The following FOXN2 variants were observed in gnomAD, a reference collection of about 807,000 sequenced individuals.
FOXN2 encodes the protein forkhead box N2.
Under a neutral mutation model 41.2 loss-of-function variants are expected in FOXN2, and 19 were observed. The ratio of observed to expected loss-of-function variants is 0.46; its 90% CI spans 0.32 to 0.68. FOXN2 has a LOEUF of 0.68. Among genes scored for constraint, FOXN2 ranks in the 30% least tolerant of loss-of-function variants. The pLI is 0.03. For synonymous variants in FOXN2, 195 were observed against 176.8 expected (o/e 1.10, Z -0.82); for missense variants, 587 against 509.4 (o/e 1.15, Z -1.47).
At chr2:48,348,972 C>T (rs1009827371) in intron 3 of FOXN2, among the ~76,000 whole-genome samples, 9 of 152,174 alleles carry the variant, frequency 5.9e-5, no homozygotes, top group Non-Finnish European at 1.3e-4. Flanking sequence ...TCTTCTCCAG[C>T]ATTAGTCTTA....
At chr2:48,320,255 T>G (rs1028222013) in intron 1 of FOXN2, among the ~76,000 whole-genome samples, 2 of 152,136 alleles carry the variant, frequency 1.3e-5, no homozygotes, top group Admixed American at 1.3e-4. Context: ...TTACTATGTA[T>G]TGGCATAGTT....
intron 2 of FOXN2, among the ~76,000 whole-genome samples, chr2:48,339,121 A>G (rs1225783492): frequency 2.0e-5 from 3 of 152,182 alleles, no homozygotes; most frequent in South Asian, 2.1e-4. Flanking sequence ...TTCATATTCT[A>G]TATATCCATA....
intron 5 of FOXN2, among the ~76,000 whole-genome samples, chr2:48,367,967 C>T (rs1173466306): frequency 3.3e-5 from 5 of 152,210 alleles, no homozygotes; most frequent in South Asian, 2.1e-4. Context: ...CTCAGCCTCC[C>T]AAGTAGCTGG....
chr2:48,352,863 G>C (rs1361858114), intron 3 of FOXN2, among the ~76,000 whole-genome samples: 1 of 152,114 alleles, frequency 6.6e-6, no homozygotes, highest in Non-Finnish European at 1.5e-5. Flanking sequence ...AAAGCCAGGG[G>C]TTAGATTCAA....
At position 48,379,087 on chromosome 2, in the gene FOXN2, G is replaced by C. The variant is rs1052654368; in HGVS notation, c.*3644G>C. The C allele has an allele frequency of 6.6e-6, 1 of 152,388 alleles. No homozygotes were observed. The highest frequency in any genetic ancestry group is 2.4e-5 in the African/African-American group (1 of 41,358). The allele number at this position is 152,388 out of a possible 1,614,324, so 9.4% of individuals were successfully genotyped here. A position where few individuals can be genotyped will look rare whatever the true frequency, so the allele number is the denominator to read the frequency against. ...TCTGATGTAGCATAAAAATTGTCCCGGTTTGAGTTATAACTGCCAGTAGAT... is the reference window on the plus strand; with the variant it reads ...TCTGATGTAGCATAAAAATTGTCCCCGTTTGAGTTATAACTGCCAGTAGAT... On this transcript the variant is annotated 3_prime_UTR_variant, in exon 7 of 7. Transcript: ENST00000340553.
chr2:48,362,558 G>A (rs1331928786), intron 4 of FOXN2, 85 bp from the exon 5 acceptor site: 19 of 1,192,072 alleles, frequency 1.6e-5, no homozygotes, highest in Non-Finnish European at 2.2e-5. Flanking sequence ...GGCCAGCAGA[G>A]TGAGAGAGAA....
At chr2:48,358,489 A>T (rs1401082753) in intron 3 of FOXN2, among the ~76,000 whole-genome samples, 7 of 152,174 alleles carry the variant, frequency 4.6e-5, no homozygotes, top group East Asian at 1.9e-4. Context: ...TGGTTTTTGA[A>T]CCTATAGAAC....
rs1214998341 is a variant in FOXN2, at chr2:48,378,539, A to C, written c.*3096A>C. 1.3e-5 allele frequency: 2 copies of C among 152,314 alleles called. No homozygotes were observed. The highest frequency in any genetic ancestry group is 3.8e-4 in the East Asian group (2 of 5,204). The allele number at this position is 152,314 out of a possible 1,614,324, so 9.4% of individuals were successfully genotyped here. ...ACCAGGAGGCCTTTGCCAGCAATTT[A>C]AGCAACAGATGTGAATACTTCACAA... On this transcript the variant is annotated 3_prime_UTR_variant, in exon 7 of 7. Coordinates refer to ENST00000340553, the MANE Select transcript of FOXN2 (RefSeq NM_002158.4).
intron 1 of FOXN2, among the ~76,000 whole-genome samples, 193 bp downstream of exon 1, chr2:48,315,007 C>G (rs2103996558): frequency 6.6e-6 from 1 of 152,026 alleles, no homozygotes; most frequent in East Asian, 2.0e-4. Context: ...CCCCGGCGCG[C>G]GTATCGGGTG....
At chr2:48,333,408 A>G (rs1670136962) in intron 2 of FOXN2, among the ~76,000 whole-genome samples, 1 of 152,150 alleles carries the variant, frequency 6.6e-6, no homozygotes, top group South Asian at 2.1e-4. Flanking sequence ...AAATTCCTAT[A>G]TACATTTAGG....
chr2:48,359,315 A>G (rs1467414300), intron 4 of FOXN2, among the ~76,000 whole-genome samples, 168 bp downstream of exon 4: 1 of 152,082 alleles, frequency 6.6e-6, no homozygotes, highest in East Asian at 1.9e-4. Context: ...TGTTTTGTGG[A>G]CACAGTCTTA....
intron 1 of FOXN2, among the ~76,000 whole-genome samples, chr2:48,319,846 C>T (rs917361783): frequency 4.5e-5 from 6 of 132,736 alleles, no homozygotes; most frequent in Non-Finnish European, 6.2e-5. Context: ...TGCCCAGGCT[C>T]GTCTCAAACT....
chr2:48,321,423 C>G (rs1669309947), intron 1 of FOXN2, among the ~76,000 whole-genome samples: 1 of 152,126 alleles, frequency 6.6e-6, no homozygotes, highest in Admixed American at 6.5e-5. Context: ...GTAGTCCCAG[C>G]TACTCGGGAG....
intron 5 of FOXN2, among the ~76,000 whole-genome samples, chr2:48,369,152 G>A (rs950852622): frequency 6.6e-6 from 1 of 152,148 alleles, no homozygotes; most frequent in Non-Finnish European, 1.5e-5. Flanking sequence ...TATTCATGTA[G>A]CTTTCTTATG....
chr2:48,342,838 T>C (rs1450218541), intron 2 of FOXN2, among the ~76,000 whole-genome samples: 3 of 152,204 alleles, frequency 2.0e-5, no homozygotes, highest in Admixed American at 1.3e-4. Flanking sequence ...CAGCACTTGG[T>C]TTTTAATAAT....
At position 48,355,046 on chromosome 2, in the gene FOXN2, T is replaced by C. The variant is rs563770081; in HGVS notation, c.538-4001T>C. Among the ~76,000 whole-genome samples the C allele has an allele frequency of 3.2e-4, 48 of 152,274 alleles. 1 individual carries two copies. The highest frequency in any genetic ancestry group is 1.0e-3 in the African/African-American group (43 of 41,562). ...ATGGGCTCTTCTTTGATCTAGCAGA[T>C]CATATTCTGATTTCTCCCCTAGAGT... On this transcript the variant is annotated intron_variant, in intron 3 of 6. Coordinates refer to ENST00000340553, the MANE Select transcript of FOXN2 (RefSeq NM_002158.4).
In FOXN2 at chr2:48,374,952, C is replaced by CA. The variant is rs1404250073; in HGVS notation, c.812dup (p.Arg272GlufsTer19). The stretch of plus-strand genomic sequence containing the variant: ...GCCTCTTCCTCTTAAAACAGCATTG[C>CA]AAAAAAAGAGGAGTTACGGCAATGC... On this transcript the variant is annotated frameshift_variant, in exon 7 of 7. Coordinates refer to ENST00000340553, the MANE Select transcript of FOXN2 (RefSeq NM_002158.4). LOFTEE classifies it high-confidence loss of function. The CA allele has an allele frequency of 6.2e-7, 1 of 1,612,488 alleles. No individual in the cohort carries two copies. The highest frequency in any genetic ancestry group is 8.5e-7 in the Non-Finnish European group (1 of 1,179,040).
chr2:48,337,165 T>A (rs1670420479), intron 2 of FOXN2, among the ~76,000 whole-genome samples: 1 of 152,112 alleles, frequency 6.6e-6, no homozygotes, highest in Non-Finnish European at 1.5e-5. Context: ...GTTCATGATT[T>A]CAATTCATTT....
chr2:48,346,483 G>A lies in FOXN2; in HGVS notation c.269G>A (p.Gly90Glu). ...GTTAGTCCATTGTATGACATAGAGG[G>A]AGATGATGTGCCATCCTTTGGACCA... The part of the protein sequence containing the change: ...PIVSPLYDIE[G>E]DDVPSFGPAC... The change falls in exon 3 of 7, where the codon GGA becomes GAA. Residue 90 changes from glycine (G) to glutamate (E), a missense_variant. Coordinates refer to ENST00000340553, the MANE Select transcript of FOXN2 (RefSeq NM_002158.4). 1.2e-6 allele frequency: 2 copies of A among 1,614,080 alleles called. No individual in the cohort carries two copies. Among genetic ancestry groups the A allele is most frequent in the Non-Finnish European group, 1.7e-6 (2 of 1,180,010 alleles).
Sources: allele counts gnomAD v4.1 joint callset (sites outside exome capture counted in the v4.1 genomes callset), GRCh38; gene constraint gnomAD v4.1.1; transcripts MANE v1.5; gene names NCBI Gene and HGNC (gene_info 2026-07-23, HGNC 2026-07-21).